The following GPC5 variants were observed in gnomAD, a reference collection of about 807,000 sequenced individuals.
GPC5 encodes glypican 5.
Under a neutral mutation model 53.9 loss-of-function variants are expected in GPC5, and 47 were observed. That is an observed-to-expected ratio of 0.87 (90% confidence interval 0.69 to 1.11). The LOEUF (loss-of-function observed/expected upper bound fraction) is 1.11. GPC5 is among the 50% of genes most tolerant of loss of function. The probability of loss-of-function intolerance (pLI) is 0.00; values close to 1 mark genes in which losing one functional copy is unlikely to be tolerated. For synonymous variants in GPC5, 286 were observed against 263.3 expected, an observed-to-expected ratio of 1.09 and a Z score of -0.84; for missense variants, 748 against 713.1, an observed-to-expected ratio of 1.05 and a Z score of -0.56.
intron 7 of GPC5, among the ~76,000 whole-genome samples, chr13:92,332,928 G>A (rs2043298105): frequency 1.3e-5 from 2 of 152,166 alleles, no homozygotes; most frequent in Admixed American, 1.3e-4. Context: ...AAAGTGAAAT[G>A]ACTGATAAGT....
At chr13:92,151,022 T>C (rs1001124640) in intron 7 of GPC5, among the ~76,000 whole-genome samples, 4 of 152,076 alleles carry the variant, frequency 2.6e-5, no homozygotes, top group Admixed American at 2.0e-4. Flanking sequence ...GTCATTTTGT[T>C]GTGAATAAAC....
chr13:92,839,763 G>C (rs1878358086), intron 7 of GPC5, among the ~76,000 whole-genome samples: 2 of 151,952 alleles, frequency 1.3e-5, no homozygotes, highest in Non-Finnish European at 2.9e-5. Flanking sequence ...ATGAAGAAAA[G>C]AGAGACTACT....
intron 5 of GPC5, among the ~76,000 whole-genome samples, chr13:91,868,232 AT>A (rs2039105377): frequency 6.6e-6 from 1 of 152,208 alleles, no homozygotes; most frequent in African/African-American, 2.4e-5. Context: ...TTAGTGAAGA[AT>A]TTAGGAACTG....
chr13:92,032,446 TAA>T (rs61099950), intron 6 of GPC5, among the ~76,000 whole-genome samples: 5 of 142,872 alleles, frequency 3.5e-5, no homozygotes, highest in Non-Finnish European at 7.7e-5. Flanking sequence ...AATAAAAATT[TAA>T]AAAAAAAAAA....
At chr13:92,586,927 A>G (rs1371643322) in intron 7 of GPC5, among the ~76,000 whole-genome samples, 1 of 150,446 alleles carries the variant, frequency 6.6e-6, no homozygotes, top group Non-Finnish European at 1.5e-5. Flanking sequence ...ACACTTGTAT[A>G]TATGTCTTTC....
intron 7 of GPC5, among the ~76,000 whole-genome samples, chr13:92,634,793 A>G (rs1302138545): frequency 2.0e-5 from 3 of 151,898 alleles, no homozygotes; most frequent in Non-Finnish European, 4.4e-5. Context: ...TTTCATTGAC[A>G]TCACTTATTA....
intron 7 of GPC5, among the ~76,000 whole-genome samples, chr13:92,601,287 G>A (rs2139080682): frequency 6.6e-6 from 1 of 152,146 alleles, no homozygotes; most frequent in East Asian, 1.9e-4. Context: ...CAGGAGTGGT[G>A]GCTCCCACCT....
At chr13:92,684,554 C>T (rs898166270) in intron 7 of GPC5, among the ~76,000 whole-genome samples, 2 of 152,178 alleles carry the variant, frequency 1.3e-5, no homozygotes, top group African/African-American at 4.8e-5. Context: ...CAGGCATGAG[C>T]CACCACACCC....
intron 5 of GPC5, among the ~76,000 whole-genome samples, chr13:91,803,837 G>C (rs1271611761): frequency 2.0e-5 from 3 of 150,764 alleles, no homozygotes; most frequent in Admixed American, 6.6e-5. Context: ...GATATGAGGT[G>C]ATGAGAAAGA....
At chr13:91,572,539 G>A (rs578186097) in intron 2 of GPC5, among the ~76,000 whole-genome samples, 61 of 152,138 alleles carry the variant, frequency 4.0e-4, no homozygotes, top group Non-Finnish European at 7.5e-4. Context: ...CATGGTGAGA[G>A]AGAGTGAGCA....
chr13:92,321,391 A>C (rs141594613), intron 7 of GPC5, among the ~76,000 whole-genome samples: 99 of 152,330 alleles, frequency 6.5e-4, no homozygotes, highest in African/African-American at 2.2e-3. Context: ...CAGGAGAGCA[A>C]GACCATCCTG....
chr13:91,422,643 A>T (rs532255263), intron 1 of GPC5, among the ~76,000 whole-genome samples: 17 of 95,792 alleles, frequency 1.8e-4, no homozygotes, highest in Non-Finnish European at 2.9e-4. Context: ...TAAAAGAAAA[A>T]AGAAAAAAAA....
intron 7 of GPC5, among the ~76,000 whole-genome samples, chr13:92,608,997 A>G (rs928104998): frequency 6.6e-6 from 1 of 151,952 alleles, no homozygotes; most frequent in Non-Finnish European, 1.5e-5. Flanking sequence ...AAAAACTGTT[A>G]TTGTTTTATT....
chr13:92,741,955 G>A (rs1335717648), intron 7 of GPC5, among the ~76,000 whole-genome samples: 1 of 152,072 alleles, frequency 6.6e-6, no homozygotes, highest in Non-Finnish European at 1.5e-5. Flanking sequence ...TGGTGTATAT[G>A]TGCCACATTT....
intron 7 of GPC5, among the ~76,000 whole-genome samples, chr13:92,654,318 T>C (rs894254915): frequency 1.8e-4 from 27 of 152,232 alleles, no homozygotes; most frequent in Non-Finnish European, 3.8e-4. Flanking sequence ...TTTCCTTTTC[T>C]AAATGAAGCA....
chr13:91,631,753 G>C (rs1448863733), intron 2 of GPC5, among the ~76,000 whole-genome samples: 2 of 152,054 alleles, frequency 1.3e-5, no homozygotes, highest in Non-Finnish European at 2.9e-5. Flanking sequence ...CAAAGAGTTT[G>C]GGAAATACTC....
chr13:92,068,097 G>T (rs902452978), intron 6 of GPC5, among the ~76,000 whole-genome samples: 1 of 151,794 alleles, frequency 6.6e-6, no homozygotes, highest in African/African-American at 2.4e-5. Context: ...TATCTAAAAT[G>T]GTTTTCAATA....
chr13:91,754,378 A>G (rs1412443946), intron 4 of GPC5, among the ~76,000 whole-genome samples: 2 of 152,154 alleles, frequency 1.3e-5, no homozygotes, highest in African/African-American at 4.8e-5. Context: ...AGGCAATGGC[A>G]GTATAGCCGT....
At chr13:92,228,826 G>T (rs1250081765) in intron 7 of GPC5, among the ~76,000 whole-genome samples, 6 of 152,040 alleles carry the variant, frequency 3.9e-5, no homozygotes, top group African/African-American at 1.4e-4. Flanking sequence ...AACCAAGCAT[G>T]GTCCCAGGAT....
Sources: allele counts gnomAD v4.1 joint callset (sites outside exome capture counted in the v4.1 genomes callset), GRCh38; gene constraint gnomAD v4.1.1; transcripts MANE v1.5; gene names NCBI Gene and HGNC (gene_info 2026-07-23, HGNC 2026-07-21).